UNC13C: variants seen among roughly 807,000 people sequenced by gnomAD.
UNC13C encodes the protein protein unc-13 homolog C.
UNC13C carries 174 observed loss-of-function variants against 245.4 expected under a neutral mutation model. The ratio of observed to expected loss-of-function variants is 0.71; its 90% CI spans 0.63 to 0.80. The LOEUF (loss-of-function observed/expected upper bound fraction) is 0.80, where lower values mean the gene tolerates loss of function less well. Ranked by LOEUF, UNC13C falls within the 30% of genes least tolerant of loss-of-function variation. The probability of loss-of-function intolerance (pLI) is 0.00; values close to 1 mark genes in which losing one functional copy is unlikely to be tolerated. For missense variants in UNC13C, 2,829 were observed against 2,602.9 expected (o/e 1.09, Z -1.89); for synonymous variants, 992 against 895.1 (o/e 1.11, Z -1.93).
chr15:53,864,281 G>C, the UNC13C span, among the ~76,000 whole-genome samples: 3 of 152,140 alleles, frequency 2.0e-5, no homozygotes, highest in Admixed American at 6.6e-5. Flanking sequence ...AGGTTGGTGT[G>C]ATCACAAATG....
intron 30 of UNC13C, chr15:54,609,523 GT>G (rs1212643114): frequency 6.6e-6 from 1 of 152,102 alleles, no homozygotes; most frequent in South Asian, 2.1e-4. Context: ...TCCTGCTCTA[GT>G]TTTCTGGTTC....
At chr15:54,273,550 C>G (rs1187910876) in intron 10 of UNC13C, among the ~76,000 whole-genome samples, 1 of 152,152 alleles carries the variant, frequency 6.6e-6, no homozygotes, top group African/African-American at 2.4e-5. Context: ...TTCATCTTTA[C>G]AAAGCACCAT....
chr15:54,469,338 C>A (rs536112135), intron 19 of UNC13C, among the ~76,000 whole-genome samples: 29 of 151,620 alleles, frequency 1.9e-4, no homozygotes, highest in South Asian at 1.0e-3. Flanking sequence ...GTAGAGTCTT[C>A]AGGATTTTCT....
Position 54,321,930 on chromosome 15 carries a change from G to A in UNC13C, c.4269-9G>A, listed in dbSNP as rs1316666371. On this transcript the variant is annotated splice_polypyrimidine_tract_variant and intron_variant, in intron 13 of 32. Coordinates refer to ENST00000260323, the MANE Select transcript of UNC13C (RefSeq NM_001080534.3). ...GTCTTAAAAACACTTTATGTTTTTT[G>A]TCTTTCAGGCACTTTTCATGTCTGT... The A allele has an allele frequency of 6.4e-7, 1 of 1,553,766 alleles. No individual in the cohort carries two copies. The highest frequency in any genetic ancestry group is 1.2e-5 in the South Asian group (1 of 82,582).
chr15:54,044,708 G>A (rs1896955907), intron 2 of UNC13C, among the ~76,000 whole-genome samples: 2 of 152,026 alleles, frequency 1.3e-5, no homozygotes, highest in Non-Finnish European at 2.9e-5. Flanking sequence ...CATATTTGAG[G>A]TTTACAACAT....
At chr15:54,605,959 T>C (rs1036952217) in intron 30 of UNC13C, among the ~76,000 whole-genome samples, 1 of 152,174 alleles carries the variant, frequency 6.6e-6, no homozygotes, top group Non-Finnish European at 1.5e-5. Flanking sequence ...GGCAGAGCAC[T>C]GTCTGCCTCT....
chr15:54,275,801 G>A (rs751239006), intron 10 of UNC13C, among the ~76,000 whole-genome samples: 1 of 152,042 alleles, frequency 6.6e-6, no homozygotes, highest in Non-Finnish European at 1.5e-5. Flanking sequence ...ACAAAGACTT[G>A]TATACAGATA....
intron 2 of UNC13C, among the ~76,000 whole-genome samples, chr15:54,092,128 G>A (rs765432579): frequency 1.3e-5 from 2 of 152,170 alleles, no homozygotes; most frequent in Non-Finnish European, 2.9e-5. Flanking sequence ...CTTCGGCTGT[G>A]TTCCACCTTC....
rs778268515 is a variant in UNC13C, at chr15:54,563,558, T to C, written c.5959-4242T>C. ...CATAGAGGAATTACAAGAAACCAAG[T>C]CTTGGTCTTTTGTTTAGAATCAATG... On this transcript the variant is annotated intron_variant, in intron 29 of 32. Transcript: ENST00000260323. 1.1e-4 allele frequency among the ~76,000 whole-genome samples: 16 copies of C among 152,028 alleles called. 1 individual carries two copies. Among genetic ancestry groups the C allele is most frequent in the Non-Finnish European group, 7.4e-5 (5 of 67,964 alleles).
intron 2 of UNC13C, among the ~76,000 whole-genome samples, chr15:54,126,478 AG>A (rs2031046782): frequency 6.6e-6 from 1 of 152,228 alleles, no homozygotes; most frequent in Admixed American, 6.5e-5. Flanking sequence ...ATAAAGCAAA[AG>A]CTGACACAAA....
rs56041311 is a variant in UNC13C at position 54,538,133 on chromosome 15, C to CAAAAAAAAAAAAAA, written c.5696+5085_5696+5098dup. 8.8e-4 allele frequency among the ~76,000 whole-genome samples: 9 copies of CAAAAAAAAAAAAAA among 10,238 alleles called. 2 individuals are homozygous for CAAAAAAAAAAAAAA. The highest frequency in any genetic ancestry group is 1.5e-3 in the Non-Finnish European group (6 of 4,086). 6.7% of individuals were successfully genotyped at this position (10,238 alleles called of 152,430 possible). ...TAAGGAGCTTAAATACATTAACAAG[C>CAAAAAAAAAAAAAA]AAAAAAAAAAAAAAAAAAAAAAAAA... is the stretch of plus-strand genomic sequence containing the variant. On this transcript the variant is annotated intron_variant, in intron 26 of 32. Coordinates refer to ENST00000260323, the MANE Select transcript of UNC13C (RefSeq NM_001080534.3).
At chr15:54,230,573 CATT>C (rs1434437280) in intron 4 of UNC13C, among the ~76,000 whole-genome samples, 2 of 151,938 alleles carry the variant, frequency 1.3e-5, no homozygotes, top group Non-Finnish European at 2.9e-5. Flanking sequence ...CTCTATTTTG[CATT>C]TATTTTATAA....
intron 10 of UNC13C, among the ~76,000 whole-genome samples, chr15:54,265,937 T>G (rs2036539774): frequency 6.6e-6 from 1 of 152,024 alleles, no homozygotes; most frequent in South Asian, 2.1e-4. Context: ...ACTATTGAGA[T>G]GGTTGATGAT....
At chr15:54,522,625 T>C (rs1472859225) in intron 24 of UNC13C, among the ~76,000 whole-genome samples, 1 of 152,194 alleles carries the variant, frequency 6.6e-6, no homozygotes, top group Admixed American at 6.5e-5. Context: ...TGTGGGATTA[T>C]AGTTTATTCT....
the UNC13C span, among the ~76,000 whole-genome samples, chr15:53,869,206 G>T: frequency 2.0e-5 from 3 of 152,184 alleles, no homozygotes; most frequent in Admixed American, 6.5e-5. Flanking sequence ...CAAAGCTTTA[G>T]GGCCCTGGGT....
At chr15:53,864,923 T>A in the UNC13C span, among the ~76,000 whole-genome samples, 2 of 152,116 alleles carry the variant, frequency 1.3e-5, no homozygotes, top group African/African-American at 4.8e-5. Flanking sequence ...TAATGAATGG[T>A]GTAGTAAGTA....
the UNC13C span, chr15:53,911,730 G>A: frequency 6.6e-6 from 1 of 152,218 alleles, no homozygotes; most frequent in Non-Finnish European, 1.5e-5. Context: ...GAAACTGTGA[G>A]TAAATGGCAA....
At chr15:53,883,693 C>G in the UNC13C span, among the ~76,000 whole-genome samples, 1 of 152,088 alleles carries the variant, frequency 6.6e-6, no homozygotes, top group Non-Finnish European at 1.5e-5. Flanking sequence ...TTATATAATA[C>G]GAATGGTTAT....
At chr15:54,438,504 T>G (rs551704940) in intron 19 of UNC13C, among the ~76,000 whole-genome samples, 1 of 152,018 alleles carries the variant, frequency 6.6e-6, no homozygotes, top group African/African-American at 2.4e-5. Context: ...ACATAAGGAG[T>G]CCTCTTTCTT....
Sources: allele counts gnomAD v4.1 joint callset (sites outside exome capture counted in the v4.1 genomes callset), GRCh38; gene constraint gnomAD v4.1.1; transcripts MANE v1.5; gene names NCBI Gene and HGNC (gene_info 2026-07-23, HGNC 2026-07-21).